PRDM16: variants seen among roughly 807,000 people sequenced by gnomAD.
PRDM16 encodes the protein PR/SET domain 16.
In PRDM16, 23 loss-of-function variants were observed where a neutral mutation model predicts 110.6. The observed-to-expected ratio is 0.21, with a 90% CI of 0.15 to 0.29. The LOEUF (loss-of-function observed/expected upper bound fraction) is 0.29, where lower values mean the gene tolerates loss of function less well. Among genes scored for constraint, PRDM16 ranks in the 10% least tolerant of loss-of-function variants. The probability of loss-of-function intolerance (pLI) is 1.00; values close to 1 mark genes in which losing one functional copy is unlikely to be tolerated. For missense variants in PRDM16, 1,615 were observed against 1,794.3 expected, an observed-to-expected ratio of 0.90 and a Z score of 1.81; for synonymous variants, 799 against 781.8, an observed-to-expected ratio of 1.02 and a Z score of -0.37.
chr1:3,212,511 G>A (rs1028853136), intron 2 of PRDM16, among the ~76,000 whole-genome samples: 2 of 152,016 alleles, frequency 1.3e-5, no homozygotes, highest in Non-Finnish European at 1.5e-5. Flanking sequence ...TCCTGCCTCC[G>A]TCCCCATGTT....
intron 3 of PRDM16, among the ~76,000 whole-genome samples, chr1:3,313,674 C>T (rs2100423144): frequency 6.6e-6 from 1 of 152,372 alleles, no homozygotes; most frequent in South Asian, 2.1e-4. Context: ...AGAACCACCT[C>T]CCAGGGGCTT....
Position 3,426,083 on chromosome 1 carries a change from C to A in PRDM16, c.3142C>A (p.Leu1048Met). 1 of 1,613,858 alleles carries A rather than the reference C, an allele frequency of 6.2e-7. No homozygotes were observed. Among genetic ancestry groups the A allele is most frequent in the Non-Finnish European group, 8.5e-7 (1 of 1,179,976 alleles). Residue 1048 changes from leucine to methionine, a missense_variant, in exon 14 of 17, where the codon CTG becomes ATG. Around this residue, in one of 5 missense-constraint regions of PRDM16, gnomAD observed 327 missense variants for 359.3 expected, o/e 0.91. Coordinates refer to ENST00000270722, the MANE Select transcript of PRDM16 (RefSeq NM_022114.4). ...SQHPGVLTNH[L>M]GTSASSPTSE... is the part of the protein sequence containing the mutation. ...GCACCCCGGGGTCCTCACGAACCACCTGGGGACCAGCGCGTCCTCTCCCAC... is the reference window on the plus strand; with the variant it reads ...GCACCCCGGGGTCCTCACGAACCACATGGGGACCAGCGCGTCCTCTCCCAC...
At chr1:3,372,912 G>T (rs1286934345) in intron 3 of PRDM16, among the ~76,000 whole-genome samples, 2 of 152,210 alleles carry the variant, frequency 1.3e-5, no homozygotes, top group Non-Finnish European at 2.9e-5. Context: ...GGTGGGGAGA[G>T]GGCCTGATGC....
chr1:3,130,147 T>G (rs35625823), intron 1 of PRDM16, among the ~76,000 whole-genome samples: 6,958 of 152,092 alleles, frequency 0.046, 232 homozygotes, highest in Non-Finnish European at 0.067. Flanking sequence ...GGACAGCTAG[T>G]GAGGAAGTCT....
At chr1:3,394,995 C>T (rs1406468267) in intron 4 of PRDM16, among the ~76,000 whole-genome samples, 3 of 152,222 alleles carry the variant, frequency 2.0e-5, no homozygotes, top group Admixed American at 1.3e-4. Flanking sequence ...AAGGGAACTT[C>T]ACACACTACT....
At position 3,434,318 on chromosome 1, in the gene PRDM16, A is replaced by T. The variant is rs934481868; in HGVS notation, c.*507A>T. 2 of 232,702 alleles carry T rather than the reference A, an allele frequency of 8.6e-6. No homozygotes were observed. The highest frequency in any genetic ancestry group is 4.4e-5 in the African/African-American group (2 of 45,304). The allele number at this position is 232,702 out of a possible 1,614,324, so 14.4% of individuals were successfully genotyped here. A position where few individuals can be genotyped will look rare whatever the true frequency, so the allele number is the denominator to read the frequency against. On this transcript the variant is annotated 3_prime_UTR_variant, in exon 17 of 17. Coordinates refer to ENST00000270722, the MANE Select transcript of PRDM16 (RefSeq NM_022114.4). Reference sequence around the variant, plus strand: ...GTTTTAAAAATAGACAGTATTTTTTAAAAATCAAAAAATGACTTGCAAATT... The same window carrying T: ...GTTTTAAAAATAGACAGTATTTTTTTAAAATCAAAAAATGACTTGCAAATT...
chr1:3,241,505 G>A (rs1223920386), intron 2 of PRDM16, among the ~76,000 whole-genome samples: 2 of 152,240 alleles, frequency 1.3e-5, no homozygotes, highest in African/African-American at 4.8e-5. Flanking sequence ...CACACGGTAT[G>A]ACTGGGCCCT....
chr1:3,216,235 G>T (rs1639028681), intron 2 of PRDM16, among the ~76,000 whole-genome samples: 1 of 152,110 alleles, frequency 6.6e-6, no homozygotes, highest in Admixed American at 6.5e-5. Context: ...TGCTGACGAG[G>T]CAGTGTCCAG....
At position 3,246,359 on chromosome 1, in the gene PRDM16, G is replaced by A. The variant is rs188949083; in HGVS notation, c.438+2222G>A. On this transcript the variant is annotated intron_variant, in intron 3 of 16. Coordinates refer to ENST00000270722, the MANE Select transcript of PRDM16 (RefSeq NM_022114.4). This position sits in a 1 kb window ranked among gnomAD's most constrained non-coding sequence, Gnocchi z 5.2. ...GAAAGCAGGTTGAGAACCTTGGGTC[G>A]GGCTGAGGAGTCTCAGGTTCCGCCA... 3.3e-4 allele frequency among the ~76,000 whole-genome samples: 50 copies of A among 152,298 alleles called. 1 individual carries two copies. Among genetic ancestry groups the A allele is most frequent in the Middle Eastern group, 6.8e-3 (2 of 294 alleles).
Position 3,213,480 on chromosome 1 carries a change from C to T in PRDM16, c.387+27006C>T, listed in dbSNP as rs1383843419. Among the ~76,000 whole-genome samples the T allele has an allele frequency of 6.6e-6, 1 of 152,188 alleles. No individual in the cohort carries two copies. Among genetic ancestry groups the T allele is most frequent in the Non-Finnish European group, 1.5e-5 (1 of 68,026 alleles). ...GCTTGTCACCAATCGGGCAGTCACC[C>T]CAGCTGTGCGGGTGCCCCCCTGGGT... On this transcript the variant is annotated intron_variant, in intron 2 of 16. Coordinates refer to ENST00000270722, the MANE Select transcript of PRDM16 (RefSeq NM_022114.4). The surrounding 1 kb of genome is among the most constrained non-coding windows in gnomAD (Gnocchi z 5.3).
chr1:3,108,593 C>G (rs896952584), intron 1 of PRDM16, among the ~76,000 whole-genome samples: 7 of 152,224 alleles, frequency 4.6e-5, no homozygotes, highest in African/African-American at 1.7e-4. Context: ...ATGCTAGGGA[C>G]AGGCACCCTG....
intron 1 of PRDM16, among the ~76,000 whole-genome samples, chr1:3,176,144 C>T: frequency 6.6e-6 from 1 of 152,354 alleles, no homozygotes; most frequent in Admixed American, 6.5e-5. Context: ...TCCATGCACT[C>T]ATTCATCTAT....
At chr1:3,251,166 GC>G (rs1289879162) in intron 3 of PRDM16, among the ~76,000 whole-genome samples, 6 of 152,222 alleles carry the variant, frequency 3.9e-5, no homozygotes, top group Non-Finnish European at 8.8e-5. Context: ...CCAAGCCAGG[GC>G]CCCTTCCCCA....
intron 1 of PRDM16, among the ~76,000 whole-genome samples, chr1:3,126,467 A>G (rs1643210668): frequency 6.6e-6 from 1 of 152,216 alleles, no homozygotes; most frequent in African/African-American, 2.4e-5. Context: ...CCTGGGGTCC[A>G]GACAGCCCTC....
chr1:3,419,337 C>T (rs1481172983), intron 12 of PRDM16, among the ~76,000 whole-genome samples: 2 of 152,212 alleles, frequency 1.3e-5, no homozygotes, highest in Admixed American at 1.3e-4. Flanking sequence ...ATCTGAGGAG[C>T]CGGCTGGCAC....
At chr1:3,399,996 G>A (rs1378598756) in intron 5 of PRDM16, among the ~76,000 whole-genome samples, 1 of 152,202 alleles carries the variant, frequency 6.6e-6, no homozygotes, top group African/African-American at 2.4e-5. Flanking sequence ...TGCAGGGCTT[G>A]TTCCCCAGTG....
intron 2 of PRDM16, among the ~76,000 whole-genome samples, chr1:3,203,585 G>A (rs886719388): frequency 6.6e-6 from 1 of 152,230 alleles, no homozygotes; most frequent in Non-Finnish European, 1.5e-5. Flanking sequence ...CTCTCCCCGG[G>A]GGGGCCAGGG....
At chr1:3,189,641 A>G (rs1638247951) in intron 2 of PRDM16, among the ~76,000 whole-genome samples, 1 of 152,260 alleles carries the variant, frequency 6.6e-6, no homozygotes, top group South Asian at 2.1e-4. Context: ...AAGTAAAGAT[A>G]TTTTAGTAAA....
chr1:3,418,564 T>A, intron 11 of PRDM16, 103 bp from the exon 12 acceptor site: 1 of 765,396 alleles, frequency 1.3e-6, no homozygotes, highest in Non-Finnish European at 2.3e-6. Context: ...CACCTGTGCA[T>A]CAGGTGTGAG....
Sources: gnomAD v4.1 joint callset for allele counts (sites outside exome capture counted in the v4.1 genomes callset) on GRCh38, gnomAD v4.1.1 for gene constraint, gnomAD v4.1.1 regional missense constraint, Gnocchi (gnomAD v3.1) non-coding constraint, MANE v1.5 for transcripts, NCBI Gene and HGNC (gene_info 2026-07-23, HGNC 2026-07-21) for gene names.